Variants in ARAP1 observed in about 807,000 individuals in gnomAD.
ARAP1 encodes the protein arf-GAP with Rho-GAP domain, ANK repeat and PH domain-containing protein 1.
Under a neutral mutation model 172.2 loss-of-function variants are expected in ARAP1, and 76 were observed. The observed-to-expected ratio is 0.44, with a 90% CI of 0.37 to 0.53. The LOEUF (loss-of-function observed/expected upper bound fraction) is 0.53, where lower values mean the gene tolerates loss of function less well. ARAP1 is among the 20% of genes least tolerant of loss of function. The pLI, the probability that ARAP1 is intolerant of heterozygous loss-of-function variation, is 0.00. For synonymous variants in ARAP1, 804 were observed against 803.3 expected (o/e 1.00, Z -0.01); for missense variants, 1,686 against 1,977.5 (o/e 0.85, Z 2.80).
chr11:72,694,908 G>T, intron 27 of ARAP1, 72 bp downstream of exon 27: 2 of 1,347,978 alleles, frequency 1.5e-6, no homozygotes, highest in Non-Finnish European at 2.1e-6. Context: ...CAGGGTAGGG[G>T]AGGACAGACT....
intron 1 of ARAP1, among the ~76,000 whole-genome samples, chr11:72,749,840 C>T (rs561111699): frequency 1.3e-5 from 2 of 150,972 alleles, no homozygotes; most frequent in East Asian, 1.9e-4. Context: ...CACTGCACTC[C>T]AGCCTGGGCA....
intron 3 of ARAP1, among the ~76,000 whole-genome samples, chr11:72,723,136 C>T (rs532621596): frequency 6.6e-6 from 1 of 152,012 alleles, no homozygotes; most frequent in East Asian, 1.9e-4. Flanking sequence ...AGGAATACCT[C>T]GTCTTTACAA....
intron 1 of ARAP1, among the ~76,000 whole-genome samples, chr11:72,735,069 C>T (rs545041925): frequency 1.3e-5 from 2 of 152,160 alleles, no homozygotes; most frequent in South Asian, 4.2e-4. Context: ...CAACCTCTGC[C>T]TCTTGGGCCC....
chr11:72,715,126 T>A (rs1857216775), intron 3 of ARAP1, among the ~76,000 whole-genome samples: 1 of 152,252 alleles, frequency 6.6e-6, no homozygotes. Flanking sequence ...TTCTTGTGTG[T>A]CCTGGGGTGA....
At position 72,688,440 on chromosome 11, in the gene ARAP1, C is replaced by G; in HGVS notation, c.4070+15G>C. ...AAGCCCCAGTAGCAGGCCTATCTGC[C>G]CAGTCCCAGCTTACCAGGTGGGTGG... is the stretch of plus-strand genomic sequence containing the variant. On this transcript the variant is annotated intron_variant, in intron 31 of 34. Coordinates refer to ENST00000393609, the MANE Select transcript of ARAP1 (RefSeq NM_001040118.3). The G allele has an allele frequency of 6.2e-7, 1 of 1,608,878 alleles. No homozygotes were observed. Among genetic ancestry groups the G allele is most frequent in the South Asian group, 1.1e-5 (1 of 89,868 alleles).
intron 30 of ARAP1, among the ~76,000 whole-genome samples, chr11:72,689,752 C>A (rs903796900): frequency 1.4e-4 from 21 of 152,244 alleles, no homozygotes; most frequent in African/African-American, 5.1e-4. Context: ...CAGCACCTAA[C>A]CTGATGATGG....
At position 72,709,679 on chromosome 11, in the gene ARAP1, G is replaced by T. The variant is rs891184171; in HGVS notation, c.1523+191C>A. Among the ~76,000 whole-genome samples the T allele has an allele frequency of 2.6e-5, 4 of 152,084 alleles. No individual in the cohort carries two copies. The South Asian group carries it at 8.3e-4, about 32-fold the overall frequency. ...CAGTTGCCAAGCAGCACAGGGGAGA[G>T]TAAGACCTCTCAGGAGGGAAGGAGA... is the stretch of plus-strand genomic sequence containing the variant. On this transcript the variant is annotated intron_variant, in intron 11 of 34. Coordinates refer to ENST00000393609, the MANE Select transcript of ARAP1 (RefSeq NM_001040118.3).
At chr11:72,716,676 AG>A (rs1379210437) in intron 3 of ARAP1, among the ~76,000 whole-genome samples, 1 of 152,270 alleles carries the variant, frequency 6.6e-6, no homozygotes, top group Non-Finnish European at 1.5e-5. Flanking sequence ...TTTCAAAGCC[AG>A]GATGGCTCCC....
chr11:72,736,918 C>T (rs1247037604), intron 1 of ARAP1, among the ~76,000 whole-genome samples: 1 of 152,206 alleles, frequency 6.6e-6, no homozygotes, highest in Admixed American at 6.5e-5. Flanking sequence ...CCATGACTTC[C>T]TCCATGTCAC....
At chr11:72,704,071 A>G in intron 14 of ARAP1, 81 bp downstream of exon 14, 1 of 1,551,858 alleles carries the variant, frequency 6.4e-7, no homozygotes, top group Admixed American at 1.8e-5. Context: ...GGTAGATGAG[A>G]TGGGTTAAGA....
At chr11:72,694,839 A>C in intron 27 of ARAP1, 141 bp downstream of exon 27, 1 of 701,182 alleles carries the variant, frequency 1.4e-6, no homozygotes, top group Non-Finnish European at 2.4e-6. Flanking sequence ...CCACCATCAC[A>C]GAGATCAGTG....
Position 72,697,063 on chromosome 11 carries a change from G to A in ARAP1, c.3086C>T (p.Ser1029Leu). 6.2e-7 allele frequency: 1 copy of A among 1,610,310 alleles called. No individual in the cohort carries two copies. Among genetic ancestry groups the A allele is most frequent in the Non-Finnish European group, 8.5e-7 (1 of 1,179,936 alleles). The change falls in exon 22 of 35, where the codon TCG (serine) becomes TTG (leucine). Residue 1029 changes from serine to leucine, a missense_variant. Physicochemically the swap from Ser to Leu is moderately radical, Grantham distance 145. This residue lies in a region of ARAP1 where 274 missense variants were observed against 262.7 expected (regional missense o/e 1.04). Coordinates refer to ENST00000393609, the MANE Select transcript of ARAP1 (RefSeq NM_001040118.3). ...EGEQHVDDVS[S>L]ALKRFLRDLP... ...GTCGCGCAGGAAGCGCTTGAGCGCC[G>A]AGGAAACATCATCCACGTGCTGCTC...
chr11:72,700,793 C>G (rs1385765416), intron 16 of ARAP1, among the ~76,000 whole-genome samples: 1 of 152,210 alleles, frequency 6.6e-6, no homozygotes, highest in Non-Finnish European at 1.5e-5. Flanking sequence ...CACCTGAGGT[C>G]GGGAGTTTGA....
At position 72,696,663 on chromosome 11, in the gene ARAP1, G is replaced by A. The variant is rs1460444739; in HGVS notation, c.3167-9C>T. The A allele has an allele frequency of 1.9e-6, 3 of 1,575,950 alleles. No homozygotes were observed. Among genetic ancestry groups the A allele is most frequent in the East Asian group, 2.3e-5 (1 of 44,230 alleles). On this transcript the variant is annotated splice_polypyrimidine_tract_variant and intron_variant, in intron 22 of 34. Transcript: ENST00000393609. ...CTCCTCGTCCTCAATCTCTGGGTGG[G>A]AAAGATAAATCAAGTCAGAAACCCC...
chr11:72,726,591 G>A lies in ARAP1; in HGVS notation c.509+29C>T, dbSNP rs539853440. 3.4e-6 allele frequency: 5 copies of A among 1,468,886 alleles called. No homozygotes were observed. The highest frequency in any genetic ancestry group is 2.4e-5 in the East Asian group (1 of 40,834). The allele number at this position is 1,468,886 out of a possible 1,614,324, so 91.0% of individuals were successfully genotyped here. A position where few individuals can be genotyped will look rare whatever the true frequency, so the allele number is the denominator to read the frequency against. On this transcript the variant is annotated intron_variant, in intron 3 of 34. Coordinates refer to ENST00000393609, the MANE Select transcript of ARAP1 (RefSeq NM_001040118.3). The surrounding 1 kb of genome is among the most constrained non-coding windows in gnomAD (Gnocchi z 6.5). ...ACCCTCTGGGATCCTCTGCCTGTGC[G>A]CCTCCCACCCTGGGTGGCATCCACT... is the stretch of plus-strand genomic sequence containing the variant.
At chr11:72,727,373 C>G (rs948101428) in intron 2 of ARAP1, among the ~76,000 whole-genome samples, 47 of 152,336 alleles carry the variant, frequency 3.1e-4, no homozygotes, top group Non-Finnish European at 8.8e-5. Context: ...AACCCCCTCA[C>G]CCCTTCCCTT....
chr11:72,701,712 T>C lies in ARAP1; in HGVS notation c.2239A>G (p.Ser747Gly), dbSNP rs1366410241. 6.2e-7 allele frequency: 1 copy of C among 1,613,878 alleles called. No homozygotes were observed. The highest frequency in any genetic ancestry group is 8.5e-7 in the Non-Finnish European group (1 of 1,179,902). Residue 747 changes from serine to glycine, a missense_variant, in exon 16 of 35, where the codon AGT (serine) becomes GGT (glycine). Around this residue, in one of 5 missense-constraint regions of ARAP1, gnomAD observed 688 missense variants for 856.9 expected, o/e 0.80. Transcript: ENST00000393609. ...GAGGCAGTCTTGTAGAGGAAGCCAC[T>C]GTGGCTCACGGTCGGCAGGACAACT... ...YSVVLPTVSH[S>G]GFLYKTASAG...
rs1591231908 is a variant in ARAP1, at chr11:72,726,883, C to T, written c.246G>A (p.Val82=). ...AGCGGAAGATGTGGCGCTTCATGGGCACAGGCCGTGGGGTGGGGCGGGGTG... is the reference window on the plus strand; with the variant it reads ...AGCGGAAGATGTGGCGCTTCATGGGTACAGGCCGTGGGGTGGGGCGGGGTG... ...APAPRPTPRP[V]PMKRHIFRSP... Residue 82 remains valine (V), a synonymous_variant, in exon 3 of 35, where the codon GTG becomes GTA. Coordinates refer to ENST00000393609, the MANE Select transcript of ARAP1 (RefSeq NM_001040118.3). This position sits in a 1 kb window ranked among gnomAD's most constrained non-coding sequence, Gnocchi z 6.5. The T allele has an allele frequency of 5.7e-6, 9 of 1,576,432 alleles. No homozygotes were observed. In the East Asian group the frequency reaches 9.3e-5, roughly 16 times the overall value.
Position 72,697,080 on chromosome 11 carries a change from G to A in ARAP1, c.3069C>T (p.His1023=). Residue 1023 remains histidine, a synonymous_variant, in exon 22 of 35, where the codon CAC becomes CAT. Transcript: ENST00000393609. ...TGAGCGCCGAGGAAACATCATCCACGTGCTGCTCGCCCTCCTTGAGGTGCA... is the reference window on the plus strand; with the variant it reads ...TGAGCGCCGAGGAAACATCATCCACATGCTGCTCGCCCTCCTTGAGGTGCA... ...RSVHLKEGEQ[H]VDDVSSALKR... The A allele has an allele frequency of 1.9e-6, 3 of 1,609,928 alleles. No individual in the cohort carries two copies. Among genetic ancestry groups the A allele is most frequent in the Non-Finnish European group, 2.5e-6 (3 of 1,179,936 alleles).
Sources: gnomAD v4.1 joint callset for allele counts (sites outside exome capture counted in the v4.1 genomes callset) on GRCh38, gnomAD v4.1.1 for gene constraint, gnomAD v4.1.1 regional missense constraint, Gnocchi (gnomAD v3.1) non-coding constraint, MANE v1.5 for transcripts, NCBI Gene and HGNC (gene_info 2026-07-23, HGNC 2026-07-21) for gene names.